The following KLHL8 variants were observed in gnomAD, a reference collection of about 807,000 sequenced individuals.
KLHL8 encodes kelch-like protein 8.
In KLHL8, 38 loss-of-function variants were observed where a neutral mutation model predicts 63.5. The observed-to-expected ratio is 0.60, with a 90% CI of 0.46 to 0.78. The LOEUF (loss-of-function observed/expected upper bound fraction) is 0.78, where lower values mean the gene tolerates loss of function less well. Among genes scored for constraint, KLHL8 ranks in the 30% least tolerant of loss-of-function variants. The pLI is 0.00. For missense variants in KLHL8, 566 were observed against 752.4 expected (o/e 0.75, Z 2.90); for synonymous variants, 224 against 254.3 (o/e 0.88, Z 1.13).
intron 8 of KLHL8, among the ~76,000 whole-genome samples, chr4:87,169,012 T>G (rs1730533594): frequency 6.7e-6 from 1 of 150,326 alleles, no homozygotes; most frequent in Non-Finnish European, 1.5e-5. Flanking sequence ...TTTATTTATA[T>G]GAAATACCTA....
Position 87,176,885 on chromosome 4 carries a change from T to C in KLHL8, c.1097-17A>G, listed in dbSNP as rs754563858. The C allele has an allele frequency of 3.8e-6, 5 of 1,331,186 alleles. No homozygotes were observed. The highest frequency in any genetic ancestry group is 4.1e-5 in the Admixed American group (2 of 48,616). The allele number at this position is 1,331,186 out of a possible 1,614,324, so 82.5% of individuals were successfully genotyped here. ...ACACTTTACCTGTCAAATAGAGAAG[T>C]ATTTTCATTTGACTCCAAACAAATA... On this transcript the variant is annotated splice_polypyrimidine_tract_variant and intron_variant, in intron 5 of 9. Coordinates refer to ENST00000273963, the MANE Select transcript of KLHL8 (RefSeq NM_020803.5).
chr4:87,200,138 C>CAAAAAAAAAAAAAA lies in KLHL8; in HGVS notation c.-151-4462_-151-4449dup, dbSNP rs61605160. Among the ~76,000 whole-genome samples the CAAAAAAAAAAAAAA allele has an allele frequency of 9.5e-4, 70 of 73,664 alleles. 1 individual carries two copies. The highest frequency in any genetic ancestry group is 1.1e-3 in the African/African-American group (20 of 17,876). 48.3% of individuals were successfully genotyped at this position (73,664 alleles called of 152,430 possible). A position where few individuals can be genotyped will look rare whatever the true frequency, so the allele number is the denominator to read the frequency against. On this transcript the variant is annotated intron_variant, in intron 1 of 9. Coordinates refer to ENST00000273963, the MANE Select transcript of KLHL8 (RefSeq NM_020803.5). ...CCTGGGTGACCGAGTGAGACTGCCT[C>CAAAAAAAAAAAAAA]AAAAAAAAAAAAAAAAAAAAAAGAA...
chr4:87,226,306 T>C (rs938822273), intron 1 of KLHL8, among the ~76,000 whole-genome samples: 1 of 151,990 alleles, frequency 6.6e-6, no homozygotes, highest in African/African-American at 2.4e-5. Flanking sequence ...CTCACGCCTG[T>C]AATCCCAGCA....
intron 1 of KLHL8, among the ~76,000 whole-genome samples, chr4:87,205,459 C>T (rs1029657572): frequency 6.6e-5 from 10 of 151,974 alleles, no homozygotes; most frequent in Admixed American, 3.3e-4. Flanking sequence ...ATCAGCATCA[C>T]GATAGAAAAC....
intron 3 of KLHL8, among the ~76,000 whole-genome samples, chr4:87,184,463 T>C (rs1282658408): frequency 6.6e-6 from 1 of 152,246 alleles, no homozygotes; most frequent in African/African-American, 2.4e-5. Flanking sequence ...TAGGAAACTT[T>C]GTTATTAAAA....
At chr4:87,226,690 A>T in intron 1 of KLHL8, among the ~76,000 whole-genome samples, 1 of 26,234 alleles carries the variant, frequency 3.8e-5, no homozygotes, top group Non-Finnish European at 6.6e-5. Flanking sequence ...TATATAATAT[A>T]TATATTATTT....
At chr4:87,204,167 G>A (rs192945381) in intron 1 of KLHL8, among the ~76,000 whole-genome samples, 16 of 152,122 alleles carry the variant, frequency 1.1e-4, no homozygotes, top group African/African-American at 3.9e-4. Flanking sequence ...ACTATCATCC[G>A]ATCATGCCTG....
chr4:87,176,746 T>G lies in KLHL8; in HGVS notation c.1208+11A>C. 1 of 1,428,232 alleles carries G rather than the reference T, an allele frequency of 7.0e-7. No individual in the cohort carries two copies. The highest frequency in any genetic ancestry group is 1.9e-5 in the Admixed American group (1 of 53,372). 88.5% of individuals were successfully genotyped at this position (1,428,232 alleles called of 1,614,324 possible). On this transcript the variant is annotated intron_variant, in intron 6 of 9. Coordinates refer to ENST00000273963, the MANE Select transcript of KLHL8 (RefSeq NM_020803.5). ...ACCATCAGTTCAAAATAACTTTCCA[T>G]GCTGATCTACCTCTTTGTGTTCATT...
intron 1 of KLHL8, among the ~76,000 whole-genome samples, chr4:87,200,532 C>T (rs1731878394): frequency 6.6e-6 from 1 of 152,134 alleles, no homozygotes; most frequent in South Asian, 2.1e-4. Flanking sequence ...CAGATACTGA[C>T]AGTCAACTGT....
chr4:87,210,816 C>T (rs1485548741), intron 1 of KLHL8, among the ~76,000 whole-genome samples: 5 of 152,190 alleles, frequency 3.3e-5, no homozygotes, highest in Non-Finnish European at 5.9e-5. Context: ...AACTCTTGCT[C>T]ATCTTCTAAG....
chr4:87,207,593 T>C (rs924115688), intron 1 of KLHL8: 2 of 1,210,294 alleles, frequency 1.7e-6, no homozygotes, highest in South Asian at 1.2e-5. Context: ...AACTTTGGTA[T>C]CGTGGAAGGA....
chr4:87,216,764 A>G (rs181628179), intron 1 of KLHL8, among the ~76,000 whole-genome samples: 300 of 152,320 alleles, frequency 2.0e-3, no homozygotes, highest in African/African-American at 6.8e-3. Context: ...AGCAGCTGAC[A>G]GTATCTATAT....
intron 1 of KLHL8, chr4:87,219,841 G>A (rs2110060185): frequency 6.6e-6 from 1 of 152,442 alleles, no homozygotes; most frequent in Admixed American, 6.5e-5. Context: ...CACCTCCAGG[G>A]CGGCCAGCAA....
At chr4:87,214,751 A>T (rs1263055164) in intron 1 of KLHL8, among the ~76,000 whole-genome samples, 1 of 151,704 alleles carries the variant, frequency 6.6e-6, no homozygotes. Flanking sequence ...TATTAATAAT[A>T]TTCTCCCTAT....
Position 87,178,523 on chromosome 4 carries a change from T to C in KLHL8, c.1050A>G (p.Pro350=), listed in dbSNP as rs376789582. The C allele has an allele frequency of 6.2e-7, 1 of 1,612,430 alleles. No individual in the cohort carries two copies. Among genetic ancestry groups the C allele is most frequent in the South Asian group, 1.1e-5 (1 of 90,630 alleles). Residue 350 remains proline (P), a synonymous_variant, in exon 5 of 10, where the codon CCA becomes CCG. Coordinates refer to ENST00000273963, the MANE Select transcript of KLHL8 (RefSeq NM_020803.5). ...CATGTCGCCTTCGACTATTCATTTC[T>C]GGTCCAAAGAACCAACTGTTTTTGT... ...SINKNSWFFG[P]EMNSRRRHVG... is the part of the protein sequence containing the mutation.
Position 87,163,968 on chromosome 4 carries a change from G to A in KLHL8, c.1649C>T (p.Ala550Val), listed in dbSNP as rs1730276351. 2 of 1,614,100 alleles carry A rather than the reference G, an allele frequency of 1.2e-6. No individual in the cohort carries two copies. The highest frequency in any genetic ancestry group is 1.7e-6 in the Non-Finnish European group (2 of 1,180,030). Residue 550 changes from alanine (A) to valine (V), a missense_variant, in exon 9 of 10, where the codon GCA becomes GTA. Transcript: ENST00000273963. ...LTTPRGGVGI[A>V]TVMGKIFAVG... ...TGCAAAGATTTTGCCCATCACTGTT[G>A]CGATTCCCACTCCACCTCTGGGAGT...
Position 87,163,356 on chromosome 4 carries a change from T to C in KLHL8, c.*163A>G. 5.1e-6 allele frequency: 3 copies of C among 582,866 alleles called. No homozygotes were observed. The highest frequency in any genetic ancestry group is 8.5e-6 in the Non-Finnish European group (3 of 351,774). 36.1% of individuals were successfully genotyped at this position (582,866 alleles called of 1,614,324 possible). On this transcript the variant is annotated 3_prime_UTR_variant, in exon 10 of 10. Coordinates refer to ENST00000273963, the MANE Select transcript of KLHL8 (RefSeq NM_020803.5). ...AATTTAACTCTATTACTAATAATTC[T>C]TCAGGTATCATTCCAAAAGTTGTAC...
intron 1 of KLHL8, among the ~76,000 whole-genome samples, chr4:87,234,977 GAA>G (rs1321786793): frequency 2.0e-5 from 3 of 152,100 alleles, no homozygotes; most frequent in Admixed American, 6.5e-5. Flanking sequence ...TACAAAGAAA[GAA>G]AATATTTTTG....
In KLHL8 at chr4:87,163,646, A is replaced by T. The variant is rs745478499; in HGVS notation, c.1740-4T>A. On this transcript the variant is annotated splice_polypyrimidine_tract_variant and splice_region_variant and intron_variant, in intron 9 of 9. Transcript: ENST00000273963. ...CACAGATCCAACAAGCTCCCACCTG[A>T]AAAGACGGAGAAGAAAAAATGTTAC... 6.2e-7 allele frequency: 1 copy of T among 1,611,928 alleles called. No individual in the cohort carries two copies. The highest frequency in any genetic ancestry group is 8.5e-7 in the Non-Finnish European group (1 of 1,179,512).
Sources: allele counts gnomAD v4.1 joint callset (sites outside exome capture counted in the v4.1 genomes callset), GRCh38; gene constraint gnomAD v4.1.1; transcripts MANE v1.5; gene names NCBI Gene and HGNC (gene_info 2026-07-23, HGNC 2026-07-21).